Variants in TRAPPC10 observed in about 807,000 individuals in gnomAD.
TRAPPC10 encodes TRAPP 130 kDa subunit.
In TRAPPC10, 23 loss-of-function variants were observed where a neutral mutation model predicts 125.5. That is an observed-to-expected ratio of 0.18 (90% CI 0.13 to 0.26). The LOEUF is 0.26. Among genes scored for constraint, TRAPPC10 ranks in the 10% least tolerant of loss-of-function variants. The pLI is 1.00. For synonymous variants in TRAPPC10, 509 were observed against 518.0 expected (o/e 0.98, Z 0.24); for missense variants, 1,123 against 1,308.4 (o/e 0.86, Z 2.19).
intron 18 of TRAPPC10, among the ~76,000 whole-genome samples, chr21:44,091,590 C>T (rs2038583495): frequency 6.6e-6 from 1 of 152,152 alleles, no homozygotes; most frequent in South Asian, 2.1e-4. Flanking sequence ...CAGACACGTG[C>T]CACCACGTCT....
In TRAPPC10 at chr21:44,023,380, A is replaced by G. The variant is rs2032746868; in HGVS notation, c.68-8711A>G. Among the ~76,000 whole-genome samples, 3 of 152,110 alleles carry G rather than the reference A, an allele frequency of 2.0e-5. No individual in the cohort carries two copies. In the South Asian group the frequency reaches 6.2e-4, roughly 32 times the overall value. ...GAGTTGGTTCACTGGCATCTTTCAG[A>G]GGTGATCGGTTGGCGTGTTTTTGTT... On this transcript the variant is annotated intron_variant, in intron 1 of 22. Coordinates refer to ENST00000291574, the MANE Select transcript of TRAPPC10 (RefSeq NM_003274.5).
chr21:44,038,729 C>T (rs1362996022), intron 3 of TRAPPC10, among the ~76,000 whole-genome samples: 3 of 152,092 alleles, frequency 2.0e-5, no homozygotes, highest in African/African-American at 7.3e-5. Context: ...CACACTGTGA[C>T]ATTGTAGCCT....
At chr21:44,027,391 G>A (rs1171206063) in intron 1 of TRAPPC10, among the ~76,000 whole-genome samples, 1 of 152,174 alleles carries the variant, frequency 6.6e-6, no homozygotes, top group Non-Finnish European at 1.5e-5. Flanking sequence ...GTAAAAAACA[G>A]ATGACAGAAA....
intron 1 of TRAPPC10, among the ~76,000 whole-genome samples, chr21:44,023,460 A>G (rs1013704565): frequency 1.3e-5 from 2 of 152,214 alleles, no homozygotes; most frequent in African/African-American, 4.8e-5. Flanking sequence ...GATGTGTTAC[A>G]GTCCATTGCA....
At chr21:44,089,133 G>A (rs111779706) in intron 17 of TRAPPC10, 278 of 252,280 alleles carry the variant, frequency 1.1e-3, no homozygotes, top group African/African-American at 6.7e-3. Context: ...CTTCCCTGGC[G>A]CTGGTGGCAC....
chr21:44,064,851 A>C (rs1048483371), intron 7 of TRAPPC10, among the ~76,000 whole-genome samples: 1 of 152,224 alleles, frequency 6.6e-6, no homozygotes, highest in Non-Finnish European at 1.5e-5. Context: ...GAAACTTAAG[A>C]ATTTTTATCA....
rs770654450 is a variant in TRAPPC10, at chr21:44,059,447, A to G, written c.790+233A>G. The stretch of plus-strand genomic sequence containing the variant: ...TAAGTAACAAAAATAATAATAATTT[A>G]AAAAAACTGTTTTCCAGGTATAAAA... On this transcript the variant is annotated intron_variant, in intron 6 of 22. Coordinates refer to ENST00000291574, the MANE Select transcript of TRAPPC10 (RefSeq NM_003274.5). The surrounding 1 kb of genome is among the most constrained non-coding windows in gnomAD (Gnocchi z 4.4). 4.2e-6 allele frequency: 3 copies of G among 715,706 alleles called. No individual in the cohort carries two copies. Among genetic ancestry groups the G allele is most frequent in the Non-Finnish European group, 7.8e-6 (3 of 386,704 alleles). The allele number at this position is 715,706 out of a possible 1,614,324, so 44.3% of individuals were successfully genotyped here.
chr21:44,077,544 C>T (rs149903370), intron 10 of TRAPPC10, 149 bp from the exon 11 acceptor site: 368 of 485,396 alleles, frequency 7.6e-4, no homozygotes, highest in African/African-American at 5.2e-3. Context: ...GAGATCTCAC[C>T]GCTGTGCTCC....
Position 44,082,452 on chromosome 21 carries a change from T to C in TRAPPC10, c.1724-336T>C, listed in dbSNP as rs899960808. 1.1e-4 allele frequency among the ~76,000 whole-genome samples: 16 copies of C among 152,224 alleles called. No homozygotes were observed. Among genetic ancestry groups the C allele is most frequent in the African/African-American group, 3.6e-4 (15 of 41,446 alleles). On this transcript the variant is annotated intron_variant, in intron 13 of 22. Transcript: ENST00000291574. This position sits in a 1 kb window ranked among gnomAD's most constrained non-coding sequence, Gnocchi z 4.4. Reference sequence around the variant, plus strand: ...AGAAAATATTGGAATCCCTTGGAAATAGCTGTAGAAATTGGACTATTTACA... The same window carrying C: ...AGAAAATATTGGAATCCCTTGGAAACAGCTGTAGAAATTGGACTATTTACA...
In TRAPPC10 at chr21:44,087,746, A is replaced by G; in HGVS notation, c.2587A>G (p.Thr863Ala). The change falls in exon 17 of 23, where the codon ACG becomes GCG. Residue 863 changes from threonine (T) to alanine (A), a missense_variant. Transcript: ENST00000291574. This position sits in a 1 kb window ranked among gnomAD's most constrained non-coding sequence, Gnocchi z 4.6. ...CCGGATTCAGTCCTCCGACAAGGTCACGAGCATCAGTCTGCCTGTTGCGCC... is the reference window on the plus strand; with the variant it reads ...CCGGATTCAGTCCTCCGACAAGGTCGCGAGCATCAGTCTGCCTGTTGCGCC... Reference protein sequence around the residue: ...ALRIQSSDKVTSISLPVAPAY... With the variant: ...ALRIQSSDKVASISLPVAPAY... 2 of 1,614,198 alleles carry G rather than the reference A, an allele frequency of 1.2e-6. No individual in the cohort carries two copies. The highest frequency in any genetic ancestry group is 8.5e-7 in the Non-Finnish European group (1 of 1,180,040).
chr21:44,058,805 G>A (rs1220724609), intron 5 of TRAPPC10, among the ~76,000 whole-genome samples: 1 of 152,234 alleles, frequency 6.6e-6, no homozygotes, highest in African/African-American at 2.4e-5. Flanking sequence ...GGGGCGAGGG[G>A]AGCAGGTGGC....
intron 19 of TRAPPC10, 150 bp downstream of exon 19, chr21:44,092,199 G>A (rs929827022): frequency 2.0e-5 from 20 of 996,592 alleles, no homozygotes; most frequent in Non-Finnish European, 2.8e-5. Flanking sequence ...CGGCTGCCCT[G>A]AGGCTGGATC....
Position 44,052,183 on chromosome 21 carries a change from A to G in TRAPPC10, c.286-97A>G, listed in dbSNP as rs1386680348. 4 of 1,078,288 alleles carry G rather than the reference A, an allele frequency of 3.7e-6. No individual in the cohort carries two copies. The East Asian group carries it at 9.8e-5, about 26-fold the overall frequency. 66.8% of individuals were successfully genotyped at this position (1,078,288 alleles called of 1,614,324 possible). A position where few individuals can be genotyped will look rare whatever the true frequency, so the allele number is the denominator to read the frequency against. ...CCCGAGCCTGTCCTGATGCTTTAAA[A>G]CATTGCGGCCTTTGCAGGCTGTTAT... On this transcript the variant is annotated intron_variant, in intron 3 of 22. Transcript: ENST00000291574.
In TRAPPC10 at chr21:44,023,591, C is replaced by T. The variant is rs140503853; in HGVS notation, c.68-8500C>T. ...TTCCTATCTAGCCTGACAAGATGTT[C>T]CGGGCTCATTTTGAACATTTAATGC... is the stretch of plus-strand genomic sequence containing the variant. On this transcript the variant is annotated intron_variant, in intron 1 of 22. Transcript: ENST00000291574. Among the ~76,000 whole-genome samples, 20 of 152,246 alleles carry T rather than the reference C, an allele frequency of 1.3e-4. No homozygotes were observed. The South Asian group carries it at 3.3e-3, about 25-fold the overall frequency.
chr21:44,017,891 T>C (rs1385627672), intron 1 of TRAPPC10, among the ~76,000 whole-genome samples: 1 of 152,118 alleles, frequency 6.6e-6, no homozygotes, highest in Non-Finnish European at 1.5e-5. Flanking sequence ...ACCACAAGCA[T>C]TGCTGTTTCC....
At chr21:44,043,174 T>C (rs1050756501) in intron 3 of TRAPPC10, among the ~76,000 whole-genome samples, 1 of 151,892 alleles carries the variant, frequency 6.6e-6, no homozygotes, top group Admixed American at 6.6e-5. Context: ...GATCATTGTC[T>C]ATCCTGTGCC....
In TRAPPC10 at chr21:44,079,570, A is replaced by C. The variant is rs1455307958; in HGVS notation, c.1476A>C (p.Lys492Asn). ...TGTTTGTTGACTTTGCAAGGAGGAA[A>C]AAGGCTCCACAAAAGGCAGAAATCT... ...GKDLAEFYMR[K>N]KAPQKAEIYL... The change falls in exon 12 of 23, where the codon AAA (lysine) becomes AAC (asparagine). Residue 492 changes from lysine to asparagine, a missense_variant. By Grantham distance (94) the Lys-to-Asn change is moderately conservative. Transcript: ENST00000291574. The C allele has an allele frequency of 6.3e-7, 1 of 1,593,816 alleles. No homozygotes were observed. The highest frequency in any genetic ancestry group is 8.5e-7 in the Non-Finnish European group (1 of 1,175,302).
At chr21:44,056,284 C>T (rs2035582808) in intron 5 of TRAPPC10, among the ~76,000 whole-genome samples, 1 of 152,080 alleles carries the variant, frequency 6.6e-6, no homozygotes, top group African/African-American at 2.4e-5. Flanking sequence ...TCCACTTAAA[C>T]GCAGAAGGAA....
chr21:44,064,778 C>T (rs1460633945), intron 7 of TRAPPC10, among the ~76,000 whole-genome samples: 1 of 152,120 alleles, frequency 6.6e-6, no homozygotes, highest in East Asian at 1.9e-4. Context: ...TAGTTAATTT[C>T]AAAAGGAGAA....
Sources: gnomAD v4.1 joint callset for allele counts (sites outside exome capture counted in the v4.1 genomes callset) on GRCh38, gnomAD v4.1.1 for gene constraint, Gnocchi (gnomAD v3.1) non-coding constraint, MANE v1.5 for transcripts, NCBI Gene and HGNC (gene_info 2026-07-23, HGNC 2026-07-21) for gene names.